HAPLN2: variants seen among roughly 807,000 people sequenced by gnomAD.
HAPLN2 encodes the protein brain link protein-1.
Under a neutral mutation model 29.3 loss-of-function variants are expected in HAPLN2, and 27 were observed. That is an observed-to-expected ratio of 0.92 (90% CI 0.68 to 1.27). The LOEUF (loss-of-function observed/expected upper bound fraction) is 1.27. HAPLN2 is among the 50% of genes most tolerant of loss of function. HAPLN2 has a pLI of 0.00. For synonymous variants in HAPLN2, 208 were observed against 211.7 expected (o/e 0.98, Z 0.15); for missense variants, 454 against 484.3 (o/e 0.94, Z 0.59).
rs1319034188 is a variant in HAPLN2 at position 156,625,060 on chromosome 1, G to GC, written c.740-38dup. The GC allele has an allele frequency of 6.5e-7, 1 of 1,527,250 alleles. No homozygotes were observed. 94.6% of individuals were successfully genotyped at this position (1,527,250 alleles called of 1,614,324 possible). A position where few individuals can be genotyped will look rare whatever the true frequency, so the allele number is the denominator to read the frequency against. On this transcript the variant is annotated intron_variant, in intron 6 of 6. Transcript: ENST00000255039. The surrounding 1 kb of genome is among the most constrained non-coding windows in gnomAD (Gnocchi z 5.7). ...TCCTGGGTGTCAGCCGCCCCTCTCC[G>GC]CCCACCCTGCCCTCGGTCGGTGACC...
the HAPLN2 span, among the ~76,000 whole-genome samples, chr1:156,610,074 T>G: frequency 6.6e-6 from 1 of 151,488 alleles, no homozygotes; most frequent in Non-Finnish European, 1.5e-5. Flanking sequence ...ATTAGCTGGG[T>G]GTGGTGGCAC....
the HAPLN2 span, among the ~76,000 whole-genome samples, chr1:156,603,584 A>G: frequency 6.6e-6 from 1 of 152,146 alleles, no homozygotes; most frequent in Non-Finnish European, 1.5e-5. Context: ...AAAATTCCGA[A>G]TGAGGTAACC....
the HAPLN2 span, among the ~76,000 whole-genome samples, chr1:156,607,290 G>C: frequency 6.6e-6 from 1 of 152,106 alleles, no homozygotes; most frequent in Non-Finnish European, 1.5e-5. Context: ...GACCAGCCTG[G>C]CCAACATGGC....
the HAPLN2 span, among the ~76,000 whole-genome samples, chr1:156,614,304 A>C: frequency 2.6e-5 from 4 of 151,650 alleles, no homozygotes; most frequent in African/African-American, 9.7e-5. Context: ...AGCTCACTGC[A>C]ACCTCCGTCT....
At position 156,624,370 on chromosome 1, in the gene HAPLN2, A is replaced by G; in HGVS notation, c.459A>G (p.Gln153=). 6.2e-7 allele frequency: 1 copy of G among 1,605,732 alleles called. No individual in the cohort carries two copies. The highest frequency in any genetic ancestry group is 1.7e-5 in the Admixed American group (1 of 58,964). ...CCCTAGGTGTGGTGTTTCCGTACCA[A>G]CCCAGCCGGGGCCGGTACCAGTTCA... ...LSLEGVVFPY[Q]PSRGRYQFNY... Residue 153 remains glutamine, a synonymous_variant, in exon 5 of 7, where the codon CAA becomes CAG. Coordinates refer to ENST00000255039, the MANE Select transcript of HAPLN2 (RefSeq NM_021817.3).
chr1:156,605,313 C>T, the HAPLN2 span, among the ~76,000 whole-genome samples: 16 of 149,812 alleles, frequency 1.1e-4, no homozygotes, highest in East Asian at 2.0e-3. Flanking sequence ...AAATGTAGGC[C>T]GGGCATGGTG....
At chr1:156,606,734 C>T in the HAPLN2 span, among the ~76,000 whole-genome samples, 2 of 151,992 alleles carry the variant, frequency 1.3e-5, no homozygotes, top group South Asian at 4.1e-4. Flanking sequence ...CCTCCTGCCT[C>T]GGCCTCCCAA....
the HAPLN2 span, among the ~76,000 whole-genome samples, chr1:156,611,190 G>A: frequency 6.6e-6 from 1 of 151,848 alleles, no homozygotes; most frequent in South Asian, 2.1e-4. Flanking sequence ...GGCTAAGGCG[G>A]GAGGATCAGA....
At chr1:156,618,042 A>G (rs904006406), upstream of HAPLN2, among the ~76,000 whole-genome samples, 2 of 152,124 alleles carry the variant, frequency 1.3e-5, no homozygotes, top group African/African-American at 4.8e-5. Context: ...CACGCCTGTA[A>G]TCCCAGCATT....
At chr1:156,606,791 C>T in the HAPLN2 span, among the ~76,000 whole-genome samples, 3 of 152,048 alleles carry the variant, frequency 2.0e-5, no homozygotes, top group Admixed American at 1.3e-4. Flanking sequence ...CCTAAGCCCC[C>T]TTCTCTTGAT....
chr1:156,624,675 G>T lies in HAPLN2; in HGVS notation c.631G>T (p.Ala211Ser), dbSNP rs1157548378. The T allele has an allele frequency of 6.2e-7, 1 of 1,605,686 alleles. No individual in the cohort carries two copies. Among genetic ancestry groups the T allele is most frequent in the Non-Finnish European group, 8.5e-7 (1 of 1,177,398 alleles). Residue 211 changes from alanine to serine, a missense_variant, in exon 6 of 7, where the codon GCA becomes TCA. By Grantham distance (99) the Ala-to-Ser change is moderately conservative. Transcript: ENST00000255039. The stretch of plus-strand genomic sequence containing the variant: ...CTCCGTGCGCTACCCTGTGCTCACC[G>T]CACGCGCCCCGTGCGGCGGCCGAGG... The part of the protein sequence containing the change: ...EGSVRYPVLT[A>S]RAPCGGRGRP...
At chr1:156,603,526 T>C in the HAPLN2 span, among the ~76,000 whole-genome samples, 1 of 152,082 alleles carries the variant, frequency 6.6e-6, no homozygotes, top group Non-Finnish European at 1.5e-5. Context: ...TGTGTATGTA[T>C]GTACATATAC....
chr1:156,605,668 T>C, the HAPLN2 span, among the ~76,000 whole-genome samples: 1 of 150,936 alleles, frequency 6.6e-6, no homozygotes, highest in Non-Finnish European at 1.5e-5. Context: ...GGAAGAAAGT[T>C]GTAGGACTTA....
At chr1:156,613,679 G>A in the HAPLN2 span, among the ~76,000 whole-genome samples, 1 of 152,086 alleles carries the variant, frequency 6.6e-6, no homozygotes, top group Non-Finnish European at 1.5e-5. Flanking sequence ...AATTTGGGAG[G>A]CCAAGGCGGG....
chr1:156,616,182 G>A (rs922649820), upstream of HAPLN2, among the ~76,000 whole-genome samples: 1 of 152,030 alleles, frequency 6.6e-6, no homozygotes. Context: ...TGCTTGTCTG[G>A]AATCACTCCA....
upstream of HAPLN2, among the ~76,000 whole-genome samples, chr1:156,618,751 C>A (rs1678127037): frequency 7.2e-6 from 1 of 139,044 alleles, no homozygotes; most frequent in Non-Finnish European, 1.5e-5. Flanking sequence ...CGCACTCCAG[C>A]CTGAGCGACA....
intron 6 of HAPLN2, 143 bp downstream of exon 6, chr1:156,624,926 G>T: frequency 1.0e-5 from 2 of 193,862 alleles, no homozygotes; most frequent in East Asian, 3.5e-4. Flanking sequence ...CGCCCGCCCA[G>T]GCTCCAGCTC....
chr1:156,617,036 G>A (rs1420885845), upstream of HAPLN2, among the ~76,000 whole-genome samples: 1 of 151,930 alleles, frequency 6.6e-6, no homozygotes, highest in Non-Finnish European at 1.5e-5. Context: ...GCTGCAGTGC[G>A]CCATGATCGT....
intron 6 of HAPLN2, 128 bp downstream of exon 6, chr1:156,624,911 CCG>C: frequency 2.2e-6 from 1 of 459,822 alleles, no homozygotes; most frequent in Non-Finnish European, 3.5e-6. Flanking sequence ...CCCCATCAGC[CCG>C]CCCGCCCGCC....
Sources: gnomAD v4.1 joint callset for allele counts (sites outside exome capture counted in the v4.1 genomes callset) on GRCh38, gnomAD v4.1.1 for gene constraint, Gnocchi (gnomAD v3.1) non-coding constraint, MANE v1.5 for transcripts, NCBI Gene and HGNC (gene_info 2026-07-23, HGNC 2026-07-21) for gene names.